AKR1E2: variants seen among roughly 807,000 people sequenced by gnomAD.
AKR1E2 encodes aldo-keto reductase family 1 member E2, also known as 1,5-anhydro-D-fructose reductase.
In AKR1E2, 43 loss-of-function variants were observed where a neutral mutation model predicts 41.9. The observed-to-expected ratio is 1.03, with a 90% CI of 0.80 to 1.32. The LOEUF (loss-of-function observed/expected upper bound fraction) is 1.32. Among genes scored for constraint, AKR1E2 ranks in the 40% most tolerant of loss-of-function variants. The pLI is 0.00. For synonymous variants in AKR1E2, 121 were observed against 138.9 expected (o/e 0.87, Z 0.91); for missense variants, 423 against 396.5 (o/e 1.07, Z -0.57).
chr10:4,842,397 A>C (rs539936669), intron 7 of AKR1E2, 24 bp from the exon 8 acceptor site: 1 of 1,606,980 alleles, frequency 6.2e-7, no homozygotes. Context: ...TTTGTGTGAT[A>C]GTAGACTTTT....
At chr10:4,833,155 C>T (rs1040227624) in intron 2 of AKR1E2, among the ~76,000 whole-genome samples, 195 bp from the exon 3 acceptor site, 1 of 152,180 alleles carries the variant, frequency 6.6e-6, no homozygotes, top group Non-Finnish European at 1.5e-5. Flanking sequence ...AGCTTTGGAG[C>T]CTCTCCCTGC....
chr10:4,846,142 A>G, intron 8 of AKR1E2: 2 of 281,140 alleles, frequency 7.1e-6, no homozygotes, highest in South Asian at 3.3e-5. Context: ...ACTCCCCACT[A>G]CCTCCAGATG....
chr10:4,849,548 T>C (rs17133791), downstream of AKR1E2, among the ~76,000 whole-genome samples: 5,220 of 152,330 alleles, frequency 0.034, 149 homozygotes, highest in East Asian at 0.11. Flanking sequence ...TCACTTATAC[T>C]TAAACCATTG....
At chr10:4,858,443 C>T in the AKR1E2 span, among the ~76,000 whole-genome samples, 3 of 152,270 alleles carry the variant, frequency 2.0e-5, no homozygotes, top group East Asian at 1.9e-4. Context: ...TGTCTTTGGT[C>T]TTTACCACAA....
In AKR1E2 at chr10:4,847,521, A is replaced by G. The variant is rs1401782963; in HGVS notation, c.954A>G (p.Ile318Met). 6.8e-6 allele frequency: 11 copies of G among 1,613,624 alleles called. No homozygotes were observed. Among genetic ancestry groups the G allele is most frequent in the Non-Finnish European group, 9.3e-6 (11 of 1,179,778 alleles). ...ATCACAAAGACTATCCTTTCCACAT[A>G]GAATACTGAGGACGCTTCCCCTTCC... is the stretch of plus-strand genomic sequence containing the variant. ...TKNHKDYPFH[I>M]EY The change falls in exon 10 of 10, where the codon ATA becomes ATG. Residue 318 changes from isoleucine (I) to methionine (M), a missense_variant. Ile to Met is a conservative substitution (Grantham distance 10). Transcript: ENST00000298375.
chr10:4,862,790 CA>C, the AKR1E2 span, among the ~76,000 whole-genome samples: 1 of 151,470 alleles, frequency 6.6e-6, no homozygotes, highest in African/African-American at 2.4e-5. Context: ...AAATGGAAAA[CA>C]AAAAAAGGCA....
At chr10:4,848,621 C>T (rs1368385106), downstream of AKR1E2, among the ~76,000 whole-genome samples, 1 of 152,214 alleles carries the variant, frequency 6.6e-6, no homozygotes, top group Non-Finnish European at 1.5e-5. Context: ...CCCACATCAG[C>T]CTCCAAACAA....
chr10:4,828,242 T>C (rs942312184), intron 1 of AKR1E2, among the ~76,000 whole-genome samples: 6 of 152,248 alleles, frequency 3.9e-5, no homozygotes, highest in African/African-American at 1.2e-4. Context: ...GCTACTCCAC[T>C]TGGCTCCGCA....
the AKR1E2 span, among the ~76,000 whole-genome samples, chr10:4,866,989 T>C: frequency 6.6e-6 from 1 of 152,178 alleles, no homozygotes; most frequent in East Asian, 1.9e-4. Context: ...TCCAGCTGCA[T>C]GACTCCTCAA....
intron 1 of AKR1E2, among the ~76,000 whole-genome samples, chr10:4,830,165 T>C (rs1178476984): frequency 6.6e-6 from 1 of 152,210 alleles, no homozygotes; most frequent in Non-Finnish European, 1.5e-5. Context: ...TCTAGTCCCT[T>C]CCCTTGCCTG....
At chr10:4,842,833 G>A (rs551678940) in intron 8 of AKR1E2, among the ~76,000 whole-genome samples, 1 of 152,330 alleles carries the variant, frequency 6.6e-6, no homozygotes, top group African/African-American at 2.4e-5. Context: ...GCCCACAGGG[G>A]AGGCTGGATG....
chr10:4,855,105 T>C, the AKR1E2 span, among the ~76,000 whole-genome samples: 25 of 152,178 alleles, frequency 1.6e-4, no homozygotes, highest in Admixed American at 5.9e-4. Context: ...AACTTTTCAG[T>C]GTAGCTGCCT....
chr10:4,837,905 C>T (rs776751313), intron 5 of AKR1E2, among the ~76,000 whole-genome samples: 6 of 152,224 alleles, frequency 3.9e-5, no homozygotes, highest in Non-Finnish European at 8.8e-5. Context: ...ACATGGGCCT[C>T]CCCTCTACCT....
intron 1 of AKR1E2, among the ~76,000 whole-genome samples, chr10:4,828,459 A>G (rs1832717407): frequency 6.6e-6 from 1 of 152,100 alleles, no homozygotes; most frequent in Non-Finnish European, 1.5e-5. Context: ...AGGGCAGGTC[A>G]CCTCTCCCTG....
chr10:4,859,584 G>A, the AKR1E2 span, among the ~76,000 whole-genome samples: 17 of 152,242 alleles, frequency 1.1e-4, no homozygotes, highest in Admixed American at 2.0e-4. Context: ...AAAGATCTAA[G>A]TGTGGGGATA....
intron 6 of AKR1E2, 47 bp downstream of exon 6, chr10:4,839,873 A>G: frequency 6.6e-7 from 1 of 1,513,208 alleles, no homozygotes; most frequent in Admixed American, 1.7e-5. Context: ...ACTGGGAAGT[A>G]GATGCCACCT....
At chr10:4,863,516 C>T in the AKR1E2 span, among the ~76,000 whole-genome samples, 1 of 152,018 alleles carries the variant, frequency 6.6e-6, no homozygotes, top group African/African-American at 2.4e-5. Flanking sequence ...CAGGAAAGAT[C>T]TAAAATTGAC....
intron 1 of AKR1E2, among the ~76,000 whole-genome samples, chr10:4,830,426 T>G (rs1264376275): frequency 1.3e-5 from 2 of 152,198 alleles, no homozygotes; most frequent in African/African-American, 4.8e-5. Flanking sequence ...ACCATCTAGC[T>G]CAGTTTTCTG....
chr10:4,851,982 C>G (rs2131583399), downstream of AKR1E2, among the ~76,000 whole-genome samples: 1 of 152,268 alleles, frequency 6.6e-6, no homozygotes, highest in South Asian at 2.1e-4. Context: ...CAGTGCCAGA[C>G]CCTTTGAACA....
Sources: gnomAD v4.1 joint callset for allele counts (sites outside exome capture counted in the v4.1 genomes callset) on GRCh38, gnomAD v4.1.1 for gene constraint, MANE v1.5 for transcripts, NCBI Gene and HGNC (gene_info 2026-07-23, HGNC 2026-07-21) for gene names.